The following CLPTM1 variants were observed in gnomAD, a reference collection of about 807,000 sequenced individuals.
CLPTM1 encodes the protein CLPTM1 regulator of GABA type A receptor forward trafficking.
Under a neutral mutation model 77.3 loss-of-function variants are expected in CLPTM1, and 21 were observed. The observed-to-expected ratio is 0.27, with a 90% CI of 0.19 to 0.39. CLPTM1 has a LOEUF of 0.39. Among genes scored for constraint, CLPTM1 ranks in the 10% least tolerant of loss-of-function variants. The pLI is 1.00. For synonymous variants in CLPTM1, 373 were observed against 381.0 expected (o/e 0.98, Z 0.24); for missense variants, 642 against 921.2 (o/e 0.70, Z 3.92).
intron 5 of CLPTM1, among the ~76,000 whole-genome samples, chr19:44,979,737 C>T (rs984798216): frequency 5.9e-5 from 9 of 152,062 alleles, no homozygotes; most frequent in Non-Finnish European, 8.8e-5. Context: ...ATGTCCCACC[C>T]GGCTGACGTC....
intron 2 of CLPTM1, among the ~76,000 whole-genome samples, chr19:44,972,636 T>G (rs1440108403): frequency 6.6e-6 from 1 of 151,882 alleles, no homozygotes; most frequent in Non-Finnish European, 1.5e-5. Context: ...TTTTAAAAAT[T>G]TTATGTTTAT....
At chr19:44,955,552 T>A in intron 1 of CLPTM1, 85 bp downstream of exon 1, 2 of 1,107,744 alleles carry the variant, frequency 1.8e-6, no homozygotes, top group Non-Finnish European at 1.1e-6. Context: ...TGTCACGGAA[T>A]CCCGTGCACT....
intron 2 of CLPTM1, among the ~76,000 whole-genome samples, chr19:44,967,842 T>C (rs556712124): frequency 1.3e-5 from 2 of 152,312 alleles, no homozygotes; most frequent in African/African-American, 2.4e-5. Flanking sequence ...ATTCCTGCCA[T>C]GTGCCCTACG....
Position 44,987,220 on chromosome 19 carries a change from A to G in CLPTM1, c.835A>G (p.Ile279Val), listed in dbSNP as rs150943861. 87 of 1,614,068 alleles carry G rather than the reference A, an allele frequency of 5.4e-5. No homozygotes were observed. Among genetic ancestry groups the G allele is most frequent in the Non-Finnish European group, 6.8e-5 (80 of 1,180,014 alleles). ...CGTGAGCGGTGACTACTATCCCATC[A>G]TCTACTTCAATGACTACTGGAACCT... Reference protein sequence around the residue: ...DAVSGDYYPIIYFNDYWNLQK... With the variant: ...DAVSGDYYPIVYFNDYWNLQK... Residue 279 changes from isoleucine to valine, a missense_variant, in exon 8 of 14, where the codon ATC becomes GTC. Around this residue, in one of 2 missense-constraint regions of CLPTM1, gnomAD observed 521 missense variants for 800.4 expected, o/e 0.65. Coordinates refer to ENST00000337392, the MANE Select transcript of CLPTM1 (RefSeq NM_001294.4).
At chr19:44,987,078 T>C in intron 7 of CLPTM1, 101 bp from the exon 8 acceptor site, 2 of 1,434,762 alleles carry the variant, frequency 1.4e-6, no homozygotes, top group South Asian at 1.4e-5. Context: ...TCCTCCAGTC[T>C]CTGTAGAGGG....
chr19:44,959,654 T>C (rs778075618), intron 1 of CLPTM1, among the ~76,000 whole-genome samples: 1 of 152,248 alleles, frequency 6.6e-6, no homozygotes, highest in Admixed American at 6.5e-5. Flanking sequence ...GCGCCTGGTC[T>C]GGCTTCATGT....
chr19:44,982,780 A>G (rs1300144485), intron 5 of CLPTM1, among the ~76,000 whole-genome samples: 3 of 152,200 alleles, frequency 2.0e-5, no homozygotes, highest in Non-Finnish European at 2.9e-5. Context: ...AGAAATGATG[A>G]GGATTGGCCA....
At chr19:44,981,062 T>C (rs926745303) in intron 5 of CLPTM1, among the ~76,000 whole-genome samples, 2 of 152,092 alleles carry the variant, frequency 1.3e-5, no homozygotes, top group African/African-American at 4.8e-5. Flanking sequence ...AGGATGGTCT[T>C]GATCTCCTGA....
intron 1 of CLPTM1, among the ~76,000 whole-genome samples, chr19:44,961,095 T>G (rs148028418): frequency 7.2e-5 from 11 of 152,294 alleles, no homozygotes; most frequent in Non-Finnish European, 1.6e-4. Flanking sequence ...TCATTCTGCT[T>G]CTGCGGTCCT....
At position 44,972,219 on chromosome 19, in the gene CLPTM1, C is replaced by A. The variant is rs529281615; in HGVS notation, c.186-868C>A. ...TTAAATTACTATTGACTAGAGTTGC[C>A]GTGTTTTGCTACCAAATACTAGATC... On this transcript the variant is annotated intron_variant, in intron 2 of 13. Transcript: ENST00000337392. Among the ~76,000 whole-genome samples, 33 of 151,132 alleles carry A rather than the reference C, an allele frequency of 2.2e-4. No homozygotes were observed. The South Asian group carries it at 2.9e-3, about 13-fold the overall frequency.
At chr19:44,986,967 G>T in intron 7 of CLPTM1, 1 of 619,224 alleles carries the variant, frequency 1.6e-6, no homozygotes, top group Non-Finnish European at 2.8e-6. Context: ...AGCCACAGCT[G>T]CCCCCTTCAG....
chr19:44,991,153 C>CCT lies in CLPTM1; in HGVS notation c.1420-84_1420-83insTC. 1 of 1,588,564 alleles carries CCT rather than the reference C, an allele frequency of 6.3e-7. No homozygotes were observed. The highest frequency in any genetic ancestry group is 8.6e-7 in the Non-Finnish European group (1 of 1,164,938). On this transcript the variant is annotated intron_variant, in intron 11 of 13. Transcript: ENST00000337392. The surrounding 1 kb of genome is among the most constrained non-coding windows in gnomAD (Gnocchi z 5.4). ...AATTCCCCCTGCCCGGCCTGCCAGA[C>CCT]CAGGTGTGGTGGGTGAGGGCGGGGA...
At chr19:44,967,517 C>T (rs1450395816) in intron 2 of CLPTM1, among the ~76,000 whole-genome samples, 2 of 152,066 alleles carry the variant, frequency 1.3e-5, no homozygotes, top group African/African-American at 2.4e-5. Flanking sequence ...ATTAGCCGGG[C>T]ATGGCGGCTT....
chr19:44,954,889 A>C (rs3760629), upstream of CLPTM1: 626,767 of 1,303,622 alleles, frequency 0.48, 153,552 homozygotes, highest in Admixed American at 0.62. Flanking sequence ...AGGGGTCAGA[A>C]GACAAGGGTG....
Position 44,990,927 on chromosome 19 carries a change from G to A in CLPTM1, c.1401G>A (p.Ser467=), listed in dbSNP as rs759597615. 1.1e-5 allele frequency: 17 copies of A among 1,613,200 alleles called. No individual in the cohort carries two copies. The highest frequency in any genetic ancestry group is 7.7e-5 in the South Asian group (7 of 91,006). The stretch of plus-strand genomic sequence containing the variant: ...ACAAGTCCACGTATATCGAGTCCTC[G>A]ACCAAAGTGTATGATGATGTGAGTG... ...FKDKSTYIES[S]TKVYDDMAFR... is the part of the protein sequence containing the mutation. The change falls in exon 11 of 14, where the codon TCG becomes TCA. Residue 467 remains serine (S), a synonymous_variant. Coordinates refer to ENST00000337392, the MANE Select transcript of CLPTM1 (RefSeq NM_001294.4). The surrounding 1 kb of genome is among the most constrained non-coding windows in gnomAD (Gnocchi z 4.8).
chr19:44,981,219 G>A (rs1294629726), intron 5 of CLPTM1, among the ~76,000 whole-genome samples: 1 of 151,830 alleles, frequency 6.6e-6, no homozygotes, highest in Non-Finnish European at 1.5e-5. Context: ...ATCTTGGCTC[G>A]CCACAGCCTC....
chr19:44,968,687 G>C (rs1354988559), intron 2 of CLPTM1, among the ~76,000 whole-genome samples: 1 of 152,138 alleles, frequency 6.6e-6, no homozygotes, highest in Non-Finnish European at 1.5e-5. Flanking sequence ...GCCTGGCCTT[G>C]TTTTATACAT....
upstream of CLPTM1, chr19:44,954,997 A>G: frequency 6.5e-7 from 1 of 1,535,682 alleles, no homozygotes; most frequent in South Asian, 1.2e-5. Context: ...GTGGCCGGTA[A>G]AGCTCAAGAA....
At position 44,991,626 on chromosome 19, in the gene CLPTM1, A is replaced by G. The variant is rs181718616; in HGVS notation, c.1555+253A>G. Among the ~76,000 whole-genome samples the G allele has an allele frequency of 1.1e-4, 17 of 152,238 alleles. No individual in the cohort carries two copies. In the East Asian group the frequency reaches 3.3e-3, roughly 29 times the overall value. On this transcript the variant is annotated intron_variant, in intron 12 of 13. Transcript: ENST00000337392. This position sits in a 1 kb window ranked among gnomAD's most constrained non-coding sequence, Gnocchi z 5.4. ...TGGGAACAAGTAAACAAGTAGGGCC[A>G]GGTGCAGTGGCTCACACCTGTTATC...
Sources: allele counts gnomAD v4.1 joint callset (sites outside exome capture counted in the v4.1 genomes callset), GRCh38; gene constraint gnomAD v4.1.1; regional missense constraint gnomAD v4.1.1; non-coding constraint Gnocchi (gnomAD v3.1); transcripts MANE v1.5; gene names NCBI Gene and HGNC (gene_info 2026-07-23, HGNC 2026-07-21).